Variants in BEGAIN observed in about 807,000 individuals in gnomAD.
The protein encoded by BEGAIN is brain enriched guanylate kinase associated.
In BEGAIN, 19 loss-of-function variants were observed where a neutral mutation model predicts 35.8. The ratio of observed to expected loss-of-function variants is 0.53; its 90% CI spans 0.37 to 0.78. BEGAIN has a LOEUF of 0.78. Among genes scored for constraint, BEGAIN ranks in the 30% least tolerant of loss-of-function variants. The probability of loss-of-function intolerance (pLI) is 0.00; values close to 1 mark genes in which losing one functional copy is unlikely to be tolerated. For synonymous variants in BEGAIN, 462 were observed against 388.6 expected, an observed-to-expected ratio of 1.19 and a Z score of -2.22; for missense variants, 795 against 853.6, an observed-to-expected ratio of 0.93 and a Z score of 0.85.
rs1047977443 is a variant in BEGAIN at position 100,563,283 on chromosome 14, A to G, written c.71+4628T>C. On this transcript the variant is annotated intron_variant, in intron 2 of 6. Transcript: ENST00000554140. The surrounding 1 kb of genome is among the most constrained non-coding windows in gnomAD (Gnocchi z 4.2). ...AGGAGCTCAACCTTGACCTCTAACCACATGCAAACCCAAGTTCAAGTGGAT... is the reference window on the plus strand; with the variant it reads ...AGGAGCTCAACCTTGACCTCTAACCGCATGCAAACCCAAGTTCAAGTGGAT... Among the ~76,000 whole-genome samples, 7 of 152,252 alleles carry G rather than the reference A, an allele frequency of 4.6e-5. No homozygotes were observed. The highest frequency in any genetic ancestry group is 1.7e-4 in the African/African-American group (7 of 41,470).
At chr14:100,565,029 G>T (rs535146117) in intron 2 of BEGAIN, among the ~76,000 whole-genome samples, 24 of 152,316 alleles carry the variant, frequency 1.6e-4, no homozygotes, top group Admixed American at 1.3e-3. Context: ...CCAGGCCAGG[G>T]TTCACAACCT....
At chr14:100,583,534 C>T (rs530936215) in intron 1 of BEGAIN, among the ~76,000 whole-genome samples, 2 of 152,044 alleles carry the variant, frequency 1.3e-5, no homozygotes, top group African/African-American at 4.8e-5. Context: ...CAATCCAGTC[C>T]TGTATCCATA....
chr14:100,546,521 C>A lies in BEGAIN; in HGVS notation c.213G>T (p.Lys71Asn). 6.4e-7 allele frequency: 1 copy of A among 1,564,538 alleles called. No individual in the cohort carries two copies. Among genetic ancestry groups the A allele is most frequent in the Non-Finnish European group, 8.6e-7 (1 of 1,162,536 alleles). ...ELRRAQEELEKVTEKLRRIQS... is the reference protein window; with the variant it reads ...ELRRAQEELENVTEKLRRIQS... ...CTCACCTGCGCAGCTTCTCCGTGAC[C>A]TTCTCCAGTTCCTCCTGCGCGCGCC... Residue 71 changes from lysine to asparagine, a missense_variant, in exon 3 of 7, where the codon AAG becomes AAT. By Grantham distance (94) the Lys-to-Asn change is moderately conservative. Around this residue, in one of 3 missense-constraint regions of BEGAIN, gnomAD observed 73 missense variants for 143.2 expected, o/e 0.51. Transcript: ENST00000554140.
rs1207106246 is a variant in BEGAIN, at chr14:100,567,508, G to A, written c.71+403C>T. ...GGGGCGGGTGGTGGTTGGGGGTGGG[G>A]TGGGGTCGGGGGAGAGAGCGCCGGG... On this transcript the variant is annotated intron_variant, in intron 2 of 6. Coordinates refer to ENST00000554140, the MANE Select transcript of BEGAIN (RefSeq NM_001385089.1). This position sits in a 1 kb window ranked among gnomAD's most constrained non-coding sequence, Gnocchi z 5.1. Among the ~76,000 whole-genome samples, 1 of 151,834 alleles carries A rather than the reference G, an allele frequency of 6.6e-6. No individual in the cohort carries two copies. The highest frequency in any genetic ancestry group is 1.5e-5 in the Non-Finnish European group (1 of 67,884).
In BEGAIN at chr14:100,546,659, C is replaced by T; in HGVS notation, c.75G>A (p.Ala25=). The T allele has an allele frequency of 6.4e-7, 1 of 1,561,006 alleles. No homozygotes were observed. The part of the protein sequence containing the change: ...ASAADMEKLS[A]LQEQKGELRK... Reference sequence around the variant, plus strand: ...GCAGCTCGCCCTTCTGCTCCTGCAGCGCGCTGCAACGACATGGCGGCGGCG... The same window carrying T: ...GCAGCTCGCCCTTCTGCTCCTGCAGTGCGCTGCAACGACATGGCGGCGGCG... Residue 25 remains alanine (A), a synonymous_variant, in exon 3 of 7, where the codon GCG becomes GCA. Coordinates refer to ENST00000554140, the MANE Select transcript of BEGAIN (RefSeq NM_001385089.1).
intron 2 of BEGAIN, 71 bp from the exon 3 acceptor site, chr14:100,546,733 C>G: frequency 7.1e-7 from 1 of 1,408,118 alleles, no homozygotes; most frequent in Non-Finnish European, 9.3e-7. Context: ...GCAGGCCAGC[C>G]GGGGCGTGCC....
chr14:100,540,743 C>G (rs567646875), intron 5 of BEGAIN, among the ~76,000 whole-genome samples, 164 bp from the exon 6 acceptor site: 5 of 152,232 alleles, frequency 3.3e-5, no homozygotes, highest in Non-Finnish European at 7.3e-5. Flanking sequence ...GGCCTCCACA[C>G]TCTTGCCTGC....
chr14:100,546,705 C>CG (rs2032515364), intron 2 of BEGAIN, 43 bp from the exon 3 acceptor site: 1 of 1,518,570 alleles, frequency 6.6e-7, no homozygotes, highest in Non-Finnish European at 8.8e-7. Context: ...CGGCGCTGAG[C>CG]GGGGGAAACT....
intron 2 of BEGAIN, among the ~76,000 whole-genome samples, chr14:100,552,565 G>A (rs1282903189): frequency 1.3e-5 from 2 of 152,372 alleles, no homozygotes; most frequent in East Asian, 1.9e-4. Flanking sequence ...GGAAAGGTGG[G>A]CAGGGGCATG....
At position 100,558,545 on chromosome 14, in the gene BEGAIN, A is replaced by G. The variant is rs566229183; in HGVS notation, c.71+9366T>C. 3.0e-4 allele frequency among the ~76,000 whole-genome samples: 46 copies of G among 152,250 alleles called. No individual in the cohort carries two copies. In the South Asian group the frequency reaches 9.5e-3, roughly 32 times the overall value. On this transcript the variant is annotated intron_variant, in intron 2 of 6. Transcript: ENST00000554140. This position sits in a 1 kb window ranked among gnomAD's most constrained non-coding sequence, Gnocchi z 4.6. The stretch of plus-strand genomic sequence containing the variant: ...ACCATCTCTCTGCTGAGGCCCCCAC[A>G]TTGGCTGCTCCCCAACTCCATTGCC...
intron 2 of BEGAIN, among the ~76,000 whole-genome samples, chr14:100,554,037 G>A (rs1406455814): frequency 2.0e-5 from 3 of 152,238 alleles, no homozygotes; most frequent in African/African-American, 7.2e-5. Flanking sequence ...GTCACGGGGG[G>A]CCACCGGGCC....
Position 100,538,580 on chromosome 14 carries a change from C to A in BEGAIN, c.1228G>T (p.Ala410Ser), listed in dbSNP as rs1595101744. 1 of 1,546,628 alleles carries A rather than the reference C, an allele frequency of 6.5e-7. No homozygotes were observed. ...CTCCACAGGTTTGGGGGCATCAGGG[C>A]CTGCTGGGGACCCGGAGAGGCCGGG... ...RFPASPGPQQ[A>S]LMPPNLWSLR... is the part of the protein sequence containing the mutation. The change falls in exon 7 of 7, where the codon GCC (alanine) becomes TCC (serine). Residue 410 changes from alanine (A) to serine (S), a missense_variant. Around this residue, in one of 3 missense-constraint regions of BEGAIN, gnomAD observed 664 missense variants for 647.7 expected, o/e 1.03. Coordinates refer to ENST00000554140, the MANE Select transcript of BEGAIN (RefSeq NM_001385089.1).
At chr14:100,580,644 A>AC (rs1405228694) in intron 1 of BEGAIN, among the ~76,000 whole-genome samples, 1 of 151,794 alleles carries the variant, frequency 6.6e-6, no homozygotes, top group Non-Finnish European at 1.5e-5. Flanking sequence ...TAGATCAAGT[A>AC]CCCCTGCGGC....
At chr14:100,572,368 C>CA (rs1482779093) in intron 1 of BEGAIN, among the ~76,000 whole-genome samples, 1 of 152,172 alleles carries the variant, frequency 6.6e-6, no homozygotes, top group Non-Finnish European at 1.5e-5. Context: ...CCCACCTCTG[C>CA]AGGGGGCCTG....
rs2034947087 is a variant in BEGAIN, at chr14:100,568,813, G to A, written c.43-874C>T. On this transcript the variant is annotated intron_variant, in intron 1 of 6. Coordinates refer to ENST00000554140, the MANE Select transcript of BEGAIN (RefSeq NM_001385089.1). The surrounding 1 kb of genome is among the most constrained non-coding windows in gnomAD (Gnocchi z 7.5). ...GGCTCTCTATCACCCGGGAGAGGCC[G>A]CTCCCCGGGGCTTTGCCCGTCTTTC... The A allele has an allele frequency of 2.1e-6, 2 of 958,252 alleles. No individual in the cohort carries two copies. The highest frequency in any genetic ancestry group is 2.5e-6 in the Non-Finnish European group (2 of 804,936). 59.4% of individuals were successfully genotyped at this position (958,252 alleles called of 1,614,324 possible). A position where few individuals can be genotyped will look rare whatever the true frequency, so the allele number is the denominator to read the frequency against.
intron 2 of BEGAIN, chr14:100,550,546 C>T (rs1272972403): frequency 2.3e-5 from 9 of 398,626 alleles, no homozygotes; most frequent in Admixed American, 4.4e-5. Context: ...CAGAACAGGC[C>T]GGGGTGGGCA....
At chr14:100,552,585 G>T (rs779365058) in intron 2 of BEGAIN, among the ~76,000 whole-genome samples, 2 of 152,236 alleles carry the variant, frequency 1.3e-5, no homozygotes, top group Non-Finnish European at 2.9e-5. Flanking sequence ...GTTGCTGAGA[G>T]CCTGGCACAG....
At chr14:100,561,806 C>T (rs1355418884) in intron 2 of BEGAIN, among the ~76,000 whole-genome samples, 3 of 152,124 alleles carry the variant, frequency 2.0e-5, no homozygotes. Context: ...TTCTTAACCA[C>T]ATACCCCATC....
At chr14:100,542,140 T>C (rs1052799573) in intron 5 of BEGAIN, among the ~76,000 whole-genome samples, 2 of 151,928 alleles carry the variant, frequency 1.3e-5, no homozygotes, top group East Asian at 3.9e-4. Flanking sequence ...CCTCCTGTCC[T>C]CCTGTTAGAG....
Sources: allele counts gnomAD v4.1 joint callset (sites outside exome capture counted in the v4.1 genomes callset), GRCh38; gene constraint gnomAD v4.1.1; regional missense constraint gnomAD v4.1.1; non-coding constraint Gnocchi (gnomAD v3.1); transcripts MANE v1.5; gene names NCBI Gene and HGNC (gene_info 2026-07-23, HGNC 2026-07-21).